The following DLG2 variants were observed in gnomAD, a reference collection of about 807,000 sequenced individuals.
DLG2 encodes the protein disks large homolog 2.
A neutral mutation model predicts 132.5 loss-of-function variants in DLG2; 45 were observed. That is an observed-to-expected ratio of 0.34 (90% CI 0.27 to 0.44). The LOEUF is 0.44. Among genes scored for constraint, DLG2 ranks in the 20% least tolerant of loss-of-function variants. The pLI, the probability that DLG2 is intolerant of heterozygous loss-of-function variation, is 1.00. For synonymous variants in DLG2, 424 were observed against 419.6 expected, an observed-to-expected ratio of 1.01 and a Z score of -0.13; for missense variants, 1,045 against 1,196.9, an observed-to-expected ratio of 0.87 and a Z score of 1.87.
At chr11:84,011,170 A>C (rs1167990758) in intron 11 of DLG2, among the ~76,000 whole-genome samples, 1 of 152,148 alleles carries the variant, frequency 6.6e-6, no homozygotes, top group African/African-American at 2.4e-5. Flanking sequence ...ACAATAAGCC[A>C]ATTAAATAAA....
chr11:84,054,126 T>C (rs1206400511), intron 11 of DLG2, among the ~76,000 whole-genome samples: 1 of 152,062 alleles, frequency 6.6e-6, no homozygotes, highest in Non-Finnish European at 1.5e-5. Context: ...TTTTAGAACT[T>C]AGCCTTAAAC....
intron 15 of DLG2, among the ~76,000 whole-genome samples, chr11:83,883,859 C>T (rs1053831148): frequency 1.3e-5 from 2 of 149,286 alleles, no homozygotes; most frequent in Non-Finnish European, 3.0e-5. Flanking sequence ...AAATGAAAAA[C>T]TGAATTTATT....
chr11:85,129,639 A>C (rs1177263778), intron 5 of DLG2, among the ~76,000 whole-genome samples: 1 of 152,208 alleles, frequency 6.6e-6, no homozygotes, highest in East Asian at 1.9e-4. Flanking sequence ...ATTGTGGAAG[A>C]CAGTGTGGCA....
chr11:84,778,244 A>G (rs1314908152), intron 6 of DLG2, among the ~76,000 whole-genome samples: 1 of 152,098 alleles, frequency 6.6e-6, no homozygotes, highest in African/African-American at 2.4e-5. Context: ...TGTCAGGTCT[A>G]TCAAAGATCA....
rs962544230 is a variant in DLG2, at chr11:84,363,320, G to T, written c.520-112029C>A. On this transcript the variant is annotated intron_variant, in intron 7 of 27. Transcript: ENST00000376104. The stretch of plus-strand genomic sequence containing the variant: ...GCATAAATGTCTTCTTTTGAGAAGT[G>T]TCTGTTCATGTCCTTCGCCCACTTT... 2.6e-5 allele frequency among the ~76,000 whole-genome samples: 4 copies of T among 151,446 alleles called. 1 individual carries two copies. Among genetic ancestry groups the T allele is most frequent in the African/African-American group, 9.7e-5 (4 of 41,348 alleles).
At chr11:83,483,209 GGAAAAGAAAA>G in intron 22 of DLG2, 2 of 1,562,034 alleles carry the variant, frequency 1.3e-6, no homozygotes, top group South Asian at 2.2e-5. Context: ...CAAAAGGAAA[GGAAAAGAAAA>G]GAAAAGTTAC....
chr11:83,715,484 A>G (rs2153671223), intron 18 of DLG2, among the ~76,000 whole-genome samples: 1 of 152,324 alleles, frequency 6.6e-6, no homozygotes, highest in South Asian at 2.1e-4. Flanking sequence ...GAGAGCAGCC[A>G]GCTGAGGCCT....
At chr11:84,853,493 AT>A (rs936606467) in intron 6 of DLG2, among the ~76,000 whole-genome samples, 2 of 152,028 alleles carry the variant, frequency 1.3e-5, no homozygotes, top group African/African-American at 4.8e-5. Flanking sequence ...CAAATCATAT[AT>A]CTTAAAATAA....
chr11:84,716,192 G>A (rs1188234952), intron 6 of DLG2, among the ~76,000 whole-genome samples: 1 of 151,844 alleles, frequency 6.6e-6, no homozygotes, highest in East Asian at 1.9e-4. Flanking sequence ...TGTACCCACT[G>A]GCCATTTTAA....
chr11:84,284,106 T>C (rs1567175618), intron 7 of DLG2, among the ~76,000 whole-genome samples: 2 of 152,102 alleles, frequency 1.3e-5, no homozygotes, highest in Non-Finnish European at 2.9e-5. Flanking sequence ...TGGTGGTGCA[T>C]GCTTGTAATC....
intron 20 of DLG2, among the ~76,000 whole-genome samples, chr11:83,538,182 A>G (rs1017591637): frequency 6.6e-6 from 1 of 152,200 alleles, no homozygotes; most frequent in Non-Finnish European, 1.5e-5. Flanking sequence ...GCTGCCCATA[A>G]TGTCACTTCT....
At chr11:83,937,161 G>A (rs2081620793) in intron 14 of DLG2, among the ~76,000 whole-genome samples, 1 of 152,070 alleles carries the variant, frequency 6.6e-6, no homozygotes, top group Non-Finnish European at 1.5e-5. Flanking sequence ...AAAAAATTAA[G>A]CATGAAATAA....
At position 83,807,724 on chromosome 11, in the gene DLG2, C is replaced by G. The variant is rs137902866; in HGVS notation, c.1723-20932G>C. ...TCACTAATAAAGATAATACTAGTTACTGAATACTGAACAAGAGGGTATTGT... is the reference window on the plus strand; with the variant it reads ...TCACTAATAAAGATAATACTAGTTAGTGAATACTGAACAAGAGGGTATTGT... On this transcript the variant is annotated intron_variant, in intron 17 of 27. Coordinates refer to ENST00000376104, the MANE Select transcript of DLG2 (RefSeq NM_001142699.3). Among the ~76,000 whole-genome samples, 103 of 152,242 alleles carry G rather than the reference C, an allele frequency of 6.8e-4. 1 individual carries two copies. The highest frequency in any genetic ancestry group is 2.4e-3 in the African/African-American group (100 of 41,562).
At position 84,651,314 on chromosome 11, in the gene DLG2, C is replaced by A. The variant is rs559151338; in HGVS notation, c.358-116583G>T. 3.3e-5 allele frequency among the ~76,000 whole-genome samples: 5 copies of A among 152,208 alleles called. No homozygotes were observed. The South Asian group carries it at 1.0e-3, about 32-fold the overall frequency. ...TGTTCCAACTATAAGAGTTAAACTG[C>A]ACTCCATATCGTCTTAGAAAATCTT... On this transcript the variant is annotated intron_variant, in intron 6 of 27. Transcript: ENST00000376104.
intron 18 of DLG2, among the ~76,000 whole-genome samples, chr11:83,753,877 TATATATCATATATA>T (rs2093520445): frequency 1.8e-5 from 1 of 54,472 alleles, no homozygotes; most frequent in African/African-American, 5.8e-5. Context: ...ATATATATGA[TATATATCATATATA>T]TCATATATAT....
chr11:83,897,188 G>A (rs1033614469), intron 15 of DLG2, among the ~76,000 whole-genome samples: 5 of 152,164 alleles, frequency 3.3e-5, no homozygotes, highest in Admixed American at 2.0e-4. Context: ...AGTTCAATGT[G>A]GTGGATACAT....
At chr11:84,794,298 A>G (rs2074259712) in intron 6 of DLG2, among the ~76,000 whole-genome samples, 1 of 152,224 alleles carries the variant, frequency 6.6e-6, no homozygotes, top group Non-Finnish European at 1.5e-5. Context: ...CAAAGGATAA[A>G]TGTTTGAGAG....
chr11:84,300,128 C>T (rs2098135830), intron 7 of DLG2, among the ~76,000 whole-genome samples: 1 of 152,046 alleles, frequency 6.6e-6, no homozygotes. Context: ...AAATTCCTAT[C>T]CCTATGTAAA....
chr11:85,604,654 G>C (rs2080400576), intron 2 of DLG2, among the ~76,000 whole-genome samples: 1 of 151,792 alleles, frequency 6.6e-6, no homozygotes, highest in African/African-American at 2.4e-5. Context: ...AGCTAAATTT[G>C]GATTACTTGA....
Sources: gnomAD v4.1 joint callset for allele counts (sites outside exome capture counted in the v4.1 genomes callset) on GRCh38, gnomAD v4.1.1 for gene constraint, MANE v1.5 for transcripts, NCBI Gene and HGNC (gene_info 2026-07-23, HGNC 2026-07-21) for gene names.